TCEANC2: variants seen among roughly 807,000 people sequenced by gnomAD.
TCEANC2 encodes the protein transcription elongation factor A N-terminal and central domain-containing protein 2.
Under a neutral mutation model 22.8 loss-of-function variants are expected in TCEANC2, and 20 were observed. The ratio of observed to expected loss-of-function variants is 0.88; its 90% CI spans 0.62 to 1.28. The LOEUF (loss-of-function observed/expected upper bound fraction) is 1.28, where lower values mean the gene tolerates loss of function less well. TCEANC2 is among the 50% of genes most tolerant of loss of function. The pLI is 0.00. For synonymous variants in TCEANC2, 84 were observed against 95.5 expected (o/e 0.88, Z 0.70); for missense variants, 251 against 249.7 (o/e 1.01, Z -0.03).
At chr1:54,059,726 T>C (rs1657816876) in intron 2 of TCEANC2, among the ~76,000 whole-genome samples, 1 of 152,228 alleles carries the variant, frequency 6.6e-6, no homozygotes, top group Non-Finnish European at 1.5e-5. Context: ...TATCTTATTA[T>C]GTTCTGATCT....
Position 54,088,781 on chromosome 1 carries a change from G to A in TCEANC2, c.429G>A (p.Leu143=). The A allele has an allele frequency of 1.9e-6, 3 of 1,578,816 alleles. No homozygotes were observed. The highest frequency in any genetic ancestry group is 2.6e-6 in the Non-Finnish European group (3 of 1,164,212). The change falls in exon 4 of 5, where the codon TTG becomes TTA. Residue 143 remains leucine (L), a synonymous_variant. Coordinates refer to ENST00000234827, the MANE Select transcript of TCEANC2 (RefSeq NM_153035.3). The part of the protein sequence containing the change: ...KNAQKLLSEA[L]ELKMDHLLVE... ...CTCAGAAATTACTCTCAGAAGCCTT[G>A]GAATTAAAGGTAATGCCCTAAATAT...
chr1:54,080,557 C>T (rs1008714478), intron 3 of TCEANC2, among the ~76,000 whole-genome samples: 15 of 152,200 alleles, frequency 9.9e-5, no homozygotes, highest in African/African-American at 3.6e-4. Flanking sequence ...GTTCCCCCTT[C>T]AATACTATCT....
chr1:54,097,091 C>G lies in TCEANC2; in HGVS notation c.*618C>G, dbSNP rs1033006415. 3.3e-6 allele frequency: 2 copies of G among 599,406 alleles called. No individual in the cohort carries two copies. Among genetic ancestry groups the G allele is most frequent in the African/African-American group, 4.0e-5 (2 of 49,640 alleles). 37.1% of individuals were successfully genotyped at this position (599,406 alleles called of 1,614,324 possible). On this transcript the variant is annotated 3_prime_UTR_variant, in exon 5 of 5. Transcript: ENST00000234827. ...TGAGGCTACTAATGAGGAACTGGCC[C>G]GAAGCCTCCCACACCTCAGGGTTTA...
chr1:54,109,367 G>T (rs1192242139), downstream of TCEANC2, among the ~76,000 whole-genome samples: 1 of 152,192 alleles, frequency 6.6e-6, no homozygotes, highest in Non-Finnish European at 1.5e-5. Flanking sequence ...GCAGGAGGAG[G>T]AATAGCATGA....
At chr1:54,072,735 A>G (rs1658081482) in intron 3 of TCEANC2, among the ~76,000 whole-genome samples, 1 of 152,196 alleles carries the variant, frequency 6.6e-6, no homozygotes, top group South Asian at 2.1e-4. Flanking sequence ...TACCGCACCC[A>G]GCCCCAAAAT....
At chr1:54,068,400 T>C (rs1225813952) in intron 2 of TCEANC2, among the ~76,000 whole-genome samples, 2 of 152,250 alleles carry the variant, frequency 1.3e-5, no homozygotes, top group African/African-American at 2.4e-5. Flanking sequence ...CCCTGCTCGC[T>C]GTTCTTGCCT....
chr1:54,079,696 G>A (rs1658203441), intron 3 of TCEANC2, among the ~76,000 whole-genome samples: 1 of 152,128 alleles, frequency 6.6e-6, no homozygotes, highest in Non-Finnish European at 1.5e-5. Flanking sequence ...GAAAAGCCAG[G>A]CTAATTTCTC....
exon 5 of TCEANC2, chr1:54,111,298 T>C (rs1658835910): frequency 6.6e-6 from 1 of 152,236 alleles, no homozygotes; most frequent in African/African-American, 2.4e-5. Context: ...GAGGCGCAGC[T>C]TTTATTAGTT....
intron 3 of TCEANC2, among the ~76,000 whole-genome samples, chr1:54,069,662 T>C (rs542454095): frequency 3.4e-5 from 5 of 147,944 alleles, no homozygotes; most frequent in African/African-American, 1.3e-4. Flanking sequence ...TATAGACAAA[T>C]GGGAACAGTG....
chr1:54,061,351 ATAAAT>A (rs778139013), intron 2 of TCEANC2, among the ~76,000 whole-genome samples: 2 of 152,210 alleles, frequency 1.3e-5, no homozygotes, highest in Non-Finnish European at 2.9e-5. Flanking sequence ...AGTGAAATAA[ATAAAT>A]TCATATTGAA....
In TCEANC2 at chr1:54,105,072, G is replaced by C. The variant is rs934217408; in HGVS notation, c.*8599G>C. On this transcript the variant is annotated 3_prime_UTR_variant, in exon 5 of 5. Transcript: ENST00000234827. ...GCCTCAAGACCAGTCAGTGATGGAGGTTGTAGTTTGTCCAACTTACTTTCC... is the reference window on the plus strand; with the variant it reads ...GCCTCAAGACCAGTCAGTGATGGAGCTTGTAGTTTGTCCAACTTACTTTCC... 6.5e-6 allele frequency: 1 copy of C among 154,404 alleles called. No homozygotes were observed. Among genetic ancestry groups the C allele is most frequent in the Non-Finnish European group, 1.4e-5 (1 of 69,238 alleles). 9.6% of individuals were successfully genotyped at this position (154,404 alleles called of 1,614,324 possible). A position where few individuals can be genotyped will look rare whatever the true frequency, so the allele number is the denominator to read the frequency against.
chr1:54,099,022 G>A lies in TCEANC2; in HGVS notation c.*2549G>A, dbSNP rs1422890900. The A allele has an allele frequency of 6.6e-6, 1 of 152,608 alleles. No individual in the cohort carries two copies. Among genetic ancestry groups the A allele is most frequent in the African/African-American group, 2.4e-5 (1 of 41,450 alleles). The allele number at this position is 152,608 out of a possible 1,614,324, so 9.5% of individuals were successfully genotyped here. ...GAAGGCAAGGACCAGGATCAGGTTT[G>A]AAGGGTCTTGAGCATCAGGTGAAGG... is the stretch of plus-strand genomic sequence containing the variant. On this transcript the variant is annotated 3_prime_UTR_variant, in exon 5 of 5. Transcript: ENST00000234827.
In TCEANC2 at chr1:54,098,746, G is replaced by A. The variant is rs990343241; in HGVS notation, c.*2273G>A. Reference sequence around the variant, plus strand: ...AGTATAAGCATCTAATTCAATCAGGGAGTGCTTCCTGGAGGAGCTGATACC... The same window carrying A: ...AGTATAAGCATCTAATTCAATCAGGAAGTGCTTCCTGGAGGAGCTGATACC... On this transcript the variant is annotated 3_prime_UTR_variant, in exon 5 of 5. Coordinates refer to ENST00000234827, the MANE Select transcript of TCEANC2 (RefSeq NM_153035.3). 1 of 152,196 alleles carries A rather than the reference G, an allele frequency of 6.6e-6. No individual in the cohort carries two copies. Among genetic ancestry groups the A allele is most frequent in the African/African-American group, 2.4e-5 (1 of 41,444 alleles). The allele number at this position is 152,196 out of a possible 1,614,324, so 9.4% of individuals were successfully genotyped here.
chr1:54,076,455 A>G (rs903918888), intron 3 of TCEANC2, among the ~76,000 whole-genome samples: 8 of 152,158 alleles, frequency 5.3e-5, no homozygotes, highest in African/African-American at 1.2e-4. Context: ...TTATGCCTAC[A>G]TAGTATTCCA....
At position 54,101,347 on chromosome 1, in the gene TCEANC2, G is replaced by T. The variant is rs1172548038; in HGVS notation, c.*4874G>T. On this transcript the variant is annotated 3_prime_UTR_variant, in exon 5 of 5. Transcript: ENST00000234827. Reference sequence around the variant, plus strand: ...CTACCCTGGTATCAAAGGAAAGATGGTTTGATTGGATGACATTGTATTTTC... The same window carrying T: ...CTACCCTGGTATCAAAGGAAAGATGTTTTGATTGGATGACATTGTATTTTC... The T allele has an allele frequency of 6.6e-6, 1 of 152,176 alleles. No homozygotes were observed. Among genetic ancestry groups the T allele is most frequent in the Non-Finnish European group, 1.5e-5 (1 of 68,032 alleles). The allele number at this position is 152,176 out of a possible 1,614,324, so 9.4% of individuals were successfully genotyped here. A position where few individuals can be genotyped will look rare whatever the true frequency, so the allele number is the denominator to read the frequency against.
intron 2 of TCEANC2, among the ~76,000 whole-genome samples, chr1:54,055,398 A>G (rs908349428): frequency 6.6e-6 from 1 of 152,244 alleles, no homozygotes; most frequent in Non-Finnish European, 1.5e-5. Context: ...TATTTTACTA[A>G]AACAAAACAA....
rs1445129549 is a variant in TCEANC2 at position 54,097,703 on chromosome 1, T to A, written c.*1230T>A. On this transcript the variant is annotated 3_prime_UTR_variant, in exon 5 of 5. Transcript: ENST00000234827. ...ATTAAGTAGGTATTGTTGTTTTCAT[T>A]TTTTAGATTTATTCGTTTATTTAGC... 3 of 152,228 alleles carry A rather than the reference T, an allele frequency of 2.0e-5. No individual in the cohort carries two copies. Among genetic ancestry groups the A allele is most frequent in the Non-Finnish European group, 2.9e-5 (2 of 68,034 alleles). 9.4% of individuals were successfully genotyped at this position (152,228 alleles called of 1,614,324 possible). A position where few individuals can be genotyped will look rare whatever the true frequency, so the allele number is the denominator to read the frequency against.
At position 54,054,512 on chromosome 1, in the gene TCEANC2, T is replaced by C; in HGVS notation, c.90T>C (p.Ile30=). ...GAAAGGTTTACAAGCAGGCCACGAT[T>C]GAATCTCTGAAGGTGAGAGGGGATC... ...SGGKVYKQAT[I]ESLKRVVVVE... The change falls in exon 2 of 5, where the codon ATT becomes ATC. Residue 30 remains isoleucine, a synonymous_variant. Coordinates refer to ENST00000234827, the MANE Select transcript of TCEANC2 (RefSeq NM_153035.3). 1 of 1,612,926 alleles carries C rather than the reference T, an allele frequency of 6.2e-7. No homozygotes were observed. Among genetic ancestry groups the C allele is most frequent in the South Asian group, 1.1e-5 (1 of 90,874 alleles).
chr1:54,082,274 CTT>C (rs1658259099), intron 3 of TCEANC2, among the ~76,000 whole-genome samples: 1 of 152,152 alleles, frequency 6.6e-6, no homozygotes, highest in Non-Finnish European at 1.5e-5. Flanking sequence ...GAATTAGAAA[CTT>C]TTCATTTTCT....
Sources: allele counts gnomAD v4.1 joint callset (sites outside exome capture counted in the v4.1 genomes callset), GRCh38; gene constraint gnomAD v4.1.1; transcripts MANE v1.5; gene names NCBI Gene and HGNC (gene_info 2026-07-23, HGNC 2026-07-21).